Variants in PTPDC1 observed in about 807,000 individuals in gnomAD.
PTPDC1 encodes protein tyrosine phosphatase domain-containing protein 1.
Under a neutral mutation model 75.3 loss-of-function variants are expected in PTPDC1, and 53 were observed. The observed-to-expected ratio is 0.70, with a 90% CI of 0.56 to 0.88. PTPDC1 has a LOEUF of 0.88. PTPDC1 is among the 40% of genes least tolerant of loss of function. PTPDC1 has a pLI of 0.00. For synonymous variants in PTPDC1, 349 were observed against 366.2 expected (o/e 0.95, Z 0.54); for missense variants, 925 against 998.6 (o/e 0.93, Z 0.99).
chr9:94,064,925 G>A, intron 2 of PTPDC1: 1 of 795,334 alleles, frequency 1.3e-6, no homozygotes, highest in Non-Finnish European at 2.0e-6. Context: ...TCTTCATATT[G>A]GAATCCCAGG....
chr9:94,048,647 G>A (rs945033553), intron 1 of PTPDC1, among the ~76,000 whole-genome samples: 3 of 152,142 alleles, frequency 2.0e-5, no homozygotes, highest in Non-Finnish European at 4.4e-5. Flanking sequence ...TTTTGGAATA[G>A]GTGTGGTGTG....
At chr9:94,031,198 A>G (rs1415932563) in intron 1 of PTPDC1, 1 of 152,152 alleles carries the variant, frequency 6.6e-6, no homozygotes, top group Non-Finnish European at 1.5e-5. Flanking sequence ...TTAAACGTCT[A>G]GATATTAAGT....
At chr9:94,094,603 A>T (rs1352496647) in intron 4 of PTPDC1, among the ~76,000 whole-genome samples, 1 of 152,110 alleles carries the variant, frequency 6.6e-6, no homozygotes, top group Non-Finnish European at 1.5e-5. Flanking sequence ...GGTGGGCTCC[A>T]CCCAGTTCGA....
At chr9:94,057,751 A>C (rs1429049283) in intron 1 of PTPDC1, among the ~76,000 whole-genome samples, 1 of 152,212 alleles carries the variant, frequency 6.6e-6, no homozygotes, top group Non-Finnish European at 1.5e-5. Context: ...TTGAAATATA[A>C]TTTTTGATCA....
chr9:94,087,873 G>A lies in PTPDC1; in HGVS notation c.459G>A (p.Glu153=). ...TGGCCATGGCCCGCCCATCCTCTGA[G>A]CTCCTGGAGAAGTACCACATCATTG... ...NILAMARPSS[E]LLEKYHIIDQ... The change falls in exon 3 of 9, where the codon GAG becomes GAA. Residue 153 remains glutamate, a synonymous_variant. Coordinates refer to ENST00000620992, the MANE Select transcript of PTPDC1 (RefSeq NM_001253829.2). 1 of 1,613,934 alleles carries A rather than the reference G, an allele frequency of 6.2e-7. No individual in the cohort carries two copies. The highest frequency in any genetic ancestry group is 8.5e-7 in the Non-Finnish European group (1 of 1,179,864).
At chr9:94,084,449 A>G, upstream of PTPDC1, 2 of 1,568,728 alleles carry the variant, frequency 1.3e-6, no homozygotes, top group Non-Finnish European at 1.7e-6. Flanking sequence ...GAACGATGCA[A>G]TGCTCCCTGC....
At chr9:94,056,073 C>G (rs536829438) in intron 1 of PTPDC1, among the ~76,000 whole-genome samples, 1 of 152,208 alleles carries the variant, frequency 6.6e-6, no homozygotes, top group Admixed American at 6.5e-5. Context: ...ACCTTCTGCT[C>G]AATTTTGTTA....
At chr9:94,049,720 T>C (rs898939949) in intron 1 of PTPDC1, among the ~76,000 whole-genome samples, 3 of 152,210 alleles carry the variant, frequency 2.0e-5, no homozygotes, top group Non-Finnish European at 4.4e-5. Context: ...AGGAGTATCT[T>C]TGTGGCGTTC....
chr9:94,087,898 G>C lies in PTPDC1; in HGVS notation c.484G>C (p.Asp162His). 1.9e-6 allele frequency: 3 copies of C among 1,613,280 alleles called. No homozygotes were observed. Among genetic ancestry groups the C allele is most frequent in the Admixed American group, 1.7e-5 (1 of 60,008 alleles). The change falls in exon 3 of 9, where the codon GAT (aspartate) becomes CAT (histidine). Residue 162 changes from aspartate (D) to histidine (H), a missense_variant. Transcript: ENST00000620992. The stretch of plus-strand genomic sequence containing the variant: ...GCTCCTGGAGAAGTACCACATCATT[G>C]ATCAGTTCCTCAGGTAAATGCTGTA... ...SELLEKYHIIDQFLSHGIKTI... is the reference protein window; with the variant it reads ...SELLEKYHIIHQFLSHGIKTI...
At chr9:94,104,225 T>C (rs1465101205) in intron 7 of PTPDC1, 50 bp from the exon 8 acceptor site, 1 of 1,284,336 alleles carries the variant, frequency 7.8e-7, no homozygotes. Flanking sequence ...AATTGATTTA[T>C]TGAGGCATTT....
At chr9:94,105,276 G>A (rs1827974700) in intron 8 of PTPDC1, among the ~76,000 whole-genome samples, 1 of 152,174 alleles carries the variant, frequency 6.6e-6, no homozygotes, top group South Asian at 2.1e-4. Context: ...AGAGTCAGTA[G>A]TCTCAAATCC....
At chr9:94,053,442 T>A (rs1295661710) in intron 1 of PTPDC1, among the ~76,000 whole-genome samples, 4 of 152,204 alleles carry the variant, frequency 2.6e-5, no homozygotes, top group African/African-American at 9.6e-5. Flanking sequence ...AGAAGACTAT[T>A]TTTGTTTAGT....
chr9:94,102,131 GGATAT>G (rs1827862549), intron 7 of PTPDC1, among the ~76,000 whole-genome samples: 1 of 151,854 alleles, frequency 6.6e-6, no homozygotes, highest in African/African-American at 2.4e-5. Flanking sequence ...GACTCTTAAC[GGATAT>G]GATGCTGTAA....
chr9:94,099,139 C>T (rs2118072780), intron 6 of PTPDC1, among the ~76,000 whole-genome samples: 1 of 152,312 alleles, frequency 6.6e-6, no homozygotes, highest in East Asian at 1.9e-4. Flanking sequence ...TTACTACGTG[C>T]CATTCACTTT....
At chr9:94,099,711 C>T (rs1827767855) in intron 6 of PTPDC1, among the ~76,000 whole-genome samples, 1 of 152,206 alleles carries the variant, frequency 6.6e-6, no homozygotes, top group African/African-American at 2.4e-5. Flanking sequence ...ATTTCCTGGG[C>T]ATTACTGTGT....
At chr9:94,056,688 C>T (rs755833454) in intron 1 of PTPDC1, among the ~76,000 whole-genome samples, 7 of 152,174 alleles carry the variant, frequency 4.6e-5, no homozygotes, top group Non-Finnish European at 8.8e-5. Context: ...AAAGTAGTGA[C>T]CTAAGAATTC....
At chr9:94,105,653 C>G (rs1401843592) in intron 8 of PTPDC1, among the ~76,000 whole-genome samples, 1 of 113,472 alleles carries the variant, frequency 8.8e-6, no homozygotes, top group Non-Finnish European at 1.7e-5. Flanking sequence ...GGCAACAGAG[C>G]GAGACTCTGT....
Position 94,035,822 on chromosome 9 carries a change from C to A in PTPDC1, c.-7+4695C>A, listed in dbSNP as rs575229314. Among the ~76,000 whole-genome samples the A allele has an allele frequency of 4.6e-5, 7 of 152,272 alleles. No homozygotes were observed. In the East Asian group the frequency reaches 1.4e-3, roughly 29 times the overall value. The stretch of plus-strand genomic sequence containing the variant: ...GGACACAAGGTTTCCCCTTTTTCCA[C>A]ATCTTTGCCAACACCTATCTTTTGA... On this transcript the variant is annotated intron_variant, in intron 1 of 9. Coordinates refer to the PTPDC1 transcript ENST00000375360.
intron 2 of PTPDC1, among the ~76,000 whole-genome samples, chr9:94,086,557 G>A (rs1343706230): frequency 2.0e-5 from 3 of 152,048 alleles, no homozygotes; most frequent in Non-Finnish European, 4.4e-5. Flanking sequence ...TGTGACCCAC[G>A]ACTTCCAACA....
Sources: allele counts gnomAD v4.1 joint callset (sites outside exome capture counted in the v4.1 genomes callset), GRCh38; gene constraint gnomAD v4.1.1; transcripts MANE v1.5; gene names NCBI Gene and HGNC (gene_info 2026-07-23, HGNC 2026-07-21).